PTPRN2: variants seen among roughly 807,000 people sequenced by gnomAD.
PTPRN2 encodes receptor-type tyrosine-protein phosphatase N2.
A neutral mutation model predicts 118.8 loss-of-function variants in PTPRN2; 74 were observed. That is an observed-to-expected ratio of 0.62 (90% CI 0.52 to 0.76). The LOEUF is 0.76. Ranked by LOEUF, PTPRN2 falls within the 30% of genes least tolerant of loss-of-function variation. PTPRN2 has a pLI of 0.00. For missense variants in PTPRN2, 1,481 were observed against 1,394.4 expected (o/e 1.06, Z -0.99); for synonymous variants, 641 against 608.0 (o/e 1.05, Z -0.80).
chr7:157,987,638 G>A lies in PTPRN2; in HGVS notation c.1724-88901C>T, dbSNP rs1039453739. 1.6e-4 allele frequency among the ~76,000 whole-genome samples: 25 copies of A among 152,142 alleles called. No individual in the cohort carries two copies. Among genetic ancestry groups the A allele is most frequent in the African/African-American group, 6.0e-4 (25 of 41,434 alleles). ...GCGGCCTGCTGGTTTTGTTCACACT[G>A]GGTGAACAGTTGGAATACAGGTTCC... On this transcript the variant is annotated intron_variant, in intron 11 of 22. Transcript: ENST00000389418. This position sits in a 1 kb window ranked among gnomAD's most constrained non-coding sequence, Gnocchi z 4.3.
At position 158,181,230 on chromosome 7, in the gene PTPRN2, C is replaced by T. The variant is rs143587901; in HGVS notation, c.549+11097G>A. ...TGTTTGTTTTTAACTGTTTATGTGA[C>T]GTATCACATTTACTGACTTGCATGT... On this transcript the variant is annotated intron_variant, in intron 5 of 22. Coordinates refer to ENST00000389418, the MANE Select transcript of PTPRN2 (RefSeq NM_002847.5). Among the ~76,000 whole-genome samples the T allele has an allele frequency of 3.4e-3, 521 of 152,236 alleles. 3 individuals are homozygous for T. Among genetic ancestry groups the T allele is most frequent in the African/African-American group, 0.012 (495 of 41,556 alleles).
intron 12 of PTPRN2, among the ~76,000 whole-genome samples, chr7:157,718,919 G>A (rs1166177188): frequency 1.3e-5 from 2 of 152,130 alleles, no homozygotes; most frequent in East Asian, 1.9e-4. Context: ...AGGTGGCAGC[G>A]CTACTGTAGC....
rs1298419052 is a variant in PTPRN2 at position 157,874,702 on chromosome 7, G to GACACACACTCATGCAC, written c.1788+23955_1788+23970dup. Among the ~76,000 whole-genome samples the GACACACACTCATGCAC allele has an allele frequency of 1.3e-5, 2 of 151,984 alleles. No homozygotes were observed. Among genetic ancestry groups the GACACACACTCATGCAC allele is most frequent in the African/African-American group, 4.8e-5 (2 of 41,386 alleles). ...TGCAGGTAGCAAAGTAACCCAAGCA[G>GACACACACTCATGCAC]ACACACACTCATGCACACACACACA... On this transcript the variant is annotated intron_variant, in intron 12 of 22. Transcript: ENST00000389418. This position sits in a 1 kb window ranked among gnomAD's most constrained non-coding sequence, Gnocchi z 5.8.
chr7:157,661,475 G>A (rs1488127500), intron 13 of PTPRN2, among the ~76,000 whole-genome samples: 1 of 138,932 alleles, frequency 7.2e-6, no homozygotes, highest in African/African-American at 2.5e-5. Context: ...GGGAACGGGG[G>A]CGGGTGCTCT....
intron 12 of PTPRN2, among the ~76,000 whole-genome samples, chr7:157,851,727 GGCAAA>G (rs1353076852): frequency 6.6e-6 from 1 of 152,244 alleles, no homozygotes; most frequent in East Asian, 1.9e-4. Flanking sequence ...GCCGTGTGGA[GGCAAA>G]GAGCCTCTCC....
chr7:158,341,328 C>A (rs1806724419), intron 2 of PTPRN2, among the ~76,000 whole-genome samples: 1 of 151,602 alleles, frequency 6.6e-6, no homozygotes, highest in African/African-American at 2.4e-5. Context: ...ACACACGTCA[C>A]TCACACCCAC....
chr7:157,763,272 T>C lies in PTPRN2; in HGVS notation c.1789-80335A>G, dbSNP rs1347090014. The stretch of plus-strand genomic sequence containing the variant: ...TTCCAGCCACATACACCATGACCTC[T>C]GGCGTGATGTGCCCTCCTCATTTTT... On this transcript the variant is annotated intron_variant, in intron 12 of 22. Coordinates refer to ENST00000389418, the MANE Select transcript of PTPRN2 (RefSeq NM_002847.5). This position sits in a 1 kb window ranked among gnomAD's most constrained non-coding sequence, Gnocchi z 4.9. 6.6e-6 allele frequency among the ~76,000 whole-genome samples: 1 copy of C among 152,246 alleles called. No individual in the cohort carries two copies. Among genetic ancestry groups the C allele is most frequent in the Non-Finnish European group, 1.5e-5 (1 of 68,042 alleles).
At chr7:158,200,698 C>A (rs1826576875) in intron 4 of PTPRN2, among the ~76,000 whole-genome samples, 1 of 152,104 alleles carries the variant, frequency 6.6e-6, no homozygotes, top group African/African-American at 2.4e-5. Context: ...AAAAGTTGAA[C>A]AAAGTCACAT....
intron 12 of PTPRN2, among the ~76,000 whole-genome samples, chr7:157,709,657 G>T (rs1218443057): frequency 2.6e-5 from 4 of 152,202 alleles, no homozygotes; most frequent in Non-Finnish European, 4.4e-5. Context: ...TGCTACATGG[G>T]AAGGAGCTTA....
intron 2 of PTPRN2, among the ~76,000 whole-genome samples, chr7:158,337,604 C>G (rs796585269): frequency 0.032 from 2,484 of 76,812 alleles, 2 homozygotes; most frequent in South Asian, 0.047. Flanking sequence ...CACACCCACA[C>G]TCTCACCATA....
intron 1 of PTPRN2, among the ~76,000 whole-genome samples, chr7:158,585,249 G>T (rs1348553252): frequency 6.6e-6 from 1 of 152,194 alleles, no homozygotes; most frequent in African/African-American, 2.4e-5. Flanking sequence ...AGTGAGGATG[G>T]TACAAGGTGG....
chr7:158,277,535 G>A (rs943567518), intron 3 of PTPRN2, among the ~76,000 whole-genome samples: 51 of 152,258 alleles, frequency 3.3e-4, no homozygotes, highest in African/African-American at 1.1e-3. Flanking sequence ...GACCTAACCC[G>A]CGCTCTCCCA....
intron 5 of PTPRN2, among the ~76,000 whole-genome samples, chr7:158,185,691 G>A (rs564422940): frequency 6.6e-6 from 1 of 151,984 alleles, no homozygotes; most frequent in African/African-American, 2.4e-5. Context: ...AGTTTCCATC[G>A]TACACATTTT....
chr7:157,694,755 ATTTTTTC>A (rs1001285971), intron 12 of PTPRN2, among the ~76,000 whole-genome samples: 2 of 149,924 alleles, frequency 1.3e-5, no homozygotes, highest in Admixed American at 1.3e-4. Flanking sequence ...TGATGTGAGG[ATTTTTTC>A]TTTTTTCTTT....
In PTPRN2 at chr7:157,784,890, TG is replaced by T. The variant is rs1324302653; in HGVS notation, c.1789-101954del. ...CAAGATATTTTTGGACTTGTTCAAA[TG>T]GGTGGGCAGCTGTTTCTCTGAGGAA... On this transcript the variant is annotated intron_variant, in intron 12 of 22. Transcript: ENST00000389418. The surrounding 1 kb of genome is among the most constrained non-coding windows in gnomAD (Gnocchi z 4.6). Among the ~76,000 whole-genome samples the T allele has an allele frequency of 6.6e-6, 1 of 152,124 alleles. No homozygotes were observed. The highest frequency in any genetic ancestry group is 1.5e-5 in the Non-Finnish European group (1 of 68,018).
intron 2 of PTPRN2, among the ~76,000 whole-genome samples, chr7:158,331,690 A>T (rs1397432716): frequency 2.0e-5 from 3 of 149,032 alleles, no homozygotes; most frequent in African/African-American, 5.1e-5. Flanking sequence ...AAGAGGTGAC[A>T]CTTGCAGACG....
chr7:158,163,961 C>T (rs974026862), intron 6 of PTPRN2, among the ~76,000 whole-genome samples: 1 of 152,198 alleles, frequency 6.6e-6, no homozygotes, highest in African/African-American at 2.4e-5. Flanking sequence ...TCCTATTTGC[C>T]GTTTTACATG....
At chr7:158,424,367 ACT>A (rs1180040241) in intron 2 of PTPRN2, among the ~76,000 whole-genome samples, 2 of 152,164 alleles carry the variant, frequency 1.3e-5, no homozygotes, top group African/African-American at 4.8e-5. Context: ...GTTTTCAGAA[ACT>A]CTGCCTGTTA....
chr7:157,823,834 G>T (rs1807002941), intron 12 of PTPRN2, among the ~76,000 whole-genome samples: 1 of 152,120 alleles, frequency 6.6e-6, no homozygotes, highest in South Asian at 2.1e-4. Context: ...TGAAAATTTT[G>T]CTCAAATAAT....
Sources: allele counts gnomAD v4.1 joint callset (sites outside exome capture counted in the v4.1 genomes callset), GRCh38; gene constraint gnomAD v4.1.1; non-coding constraint Gnocchi (gnomAD v3.1); transcripts MANE v1.5; gene names NCBI Gene and HGNC (gene_info 2026-07-23, HGNC 2026-07-21).